The following ADAMTS2 variants were observed in gnomAD, a reference collection of about 807,000 sequenced individuals.
ADAMTS2 encodes ADAM metallopeptidase with thrombospondin type 1 motif 2.
A neutral mutation model predicts 123.0 loss-of-function variants in ADAMTS2; 50 were observed. The ratio of observed to expected loss-of-function variants is 0.41; its 90% CI spans 0.32 to 0.51. The LOEUF is 0.51. ADAMTS2 is among the 20% of genes least tolerant of loss of function. ADAMTS2 has a pLI of 0.35. For missense variants in ADAMTS2, 1,494 were observed against 1,705.2 expected (o/e 0.88, Z 2.18); for synonymous variants, 678 against 695.4 (o/e 0.98, Z 0.39).
intron 10 of ADAMTS2, among the ~76,000 whole-genome samples, chr5:179,142,483 A>C (rs1482440864): frequency 6.6e-6 from 1 of 152,232 alleles, no homozygotes; most frequent in African/African-American, 2.4e-5. Flanking sequence ...ATTAGGTCAT[A>C]TTGTAGAGCA....
intron 3 of ADAMTS2, among the ~76,000 whole-genome samples, chr5:179,266,401 AGAG>A (rs1766373165): frequency 1.3e-5 from 2 of 150,300 alleles, no homozygotes. Context: ...TGGCTATAGA[AGAG>A]GAGAAGCCAC....
rs1021811555 is a variant in ADAMTS2, at chr5:179,312,509, G to A, written c.534+31258C>T. ...AACCATATGCACAGCTTCCAGAACC[G>A]TGAGAAATAAGCTTCCGATGCTTTT... On this transcript the variant is annotated intron_variant, in intron 2 of 21. Coordinates refer to ENST00000251582, the MANE Select transcript of ADAMTS2 (RefSeq NM_014244.5). The surrounding 1 kb of genome is among the most constrained non-coding windows in gnomAD (Gnocchi z 4.2). Among the ~76,000 whole-genome samples the A allele has an allele frequency of 1.4e-4, 21 of 152,356 alleles. No individual in the cohort carries two copies. Among genetic ancestry groups the A allele is most frequent in the African/African-American group, 3.8e-4 (16 of 41,586 alleles).
intron 2 of ADAMTS2, among the ~76,000 whole-genome samples, chr5:179,339,355 T>C (rs1757705849): frequency 6.6e-6 from 1 of 151,750 alleles, no homozygotes; most frequent in Non-Finnish European, 1.5e-5. Context: ...GGTTGAGGGG[T>C]GGAGAGCAAT....
chr5:179,216,274 C>T (rs1764977371), intron 3 of ADAMTS2, among the ~76,000 whole-genome samples: 1 of 152,228 alleles, frequency 6.6e-6, no homozygotes, highest in Non-Finnish European at 1.5e-5. Flanking sequence ...AAGACCCCAC[C>T]TCCATCAGGC....
intron 2 of ADAMTS2, among the ~76,000 whole-genome samples, chr5:179,282,494 A>G (rs1476447250): frequency 6.6e-6 from 1 of 152,200 alleles, no homozygotes; most frequent in Non-Finnish European, 1.5e-5. Context: ...CTATATGTCT[A>G]TCCTTCTGCC....
chr5:179,295,990 G>C (rs1756319338), intron 2 of ADAMTS2, among the ~76,000 whole-genome samples: 1 of 152,224 alleles, frequency 6.6e-6, no homozygotes, highest in Non-Finnish European at 1.5e-5. Context: ...ATGCCTTTCT[G>C]GCTGTGGTCC....
In ADAMTS2 at chr5:179,118,840, C is replaced by T. The variant is rs1762706029; in HGVS notation, c.3178+2821G>A. ...AAGTGAGGCTTTCTTCCTGAGGTCA[C>T]CATAAAGCATAAAGGGAACTAGGAA... is the stretch of plus-strand genomic sequence containing the variant. On this transcript the variant is annotated intron_variant, in intron 21 of 21. Coordinates refer to ENST00000251582, the MANE Select transcript of ADAMTS2 (RefSeq NM_014244.5). This position sits in a 1 kb window ranked among gnomAD's most constrained non-coding sequence, Gnocchi z 4.5. 6.6e-6 allele frequency among the ~76,000 whole-genome samples: 1 copy of T among 152,166 alleles called. No homozygotes were observed. The highest frequency in any genetic ancestry group is 6.5e-5 in the Admixed American group (1 of 15,272).
intron 3 of ADAMTS2, among the ~76,000 whole-genome samples, chr5:179,255,399 C>T (rs960503586): frequency 3.3e-5 from 5 of 152,158 alleles, no homozygotes; most frequent in African/African-American, 1.2e-4. Context: ...CAGAATCGGT[C>T]ATGCTTGACC....
At chr5:179,160,682 C>T (rs761405848) in intron 5 of ADAMTS2, among the ~76,000 whole-genome samples, 13 of 152,108 alleles carry the variant, frequency 8.5e-5, no homozygotes, top group Non-Finnish European at 1.8e-4. Flanking sequence ...CCATGAGTCC[C>T]GATGAAATAA....
intron 2 of ADAMTS2, among the ~76,000 whole-genome samples, chr5:179,306,162 C>T (rs1756667325): frequency 6.6e-6 from 1 of 151,934 alleles, no homozygotes; most frequent in African/African-American, 2.4e-5. Context: ...AACCAATATC[C>T]CTCATGAACC....
intron 5 of ADAMTS2, among the ~76,000 whole-genome samples, chr5:179,177,297 A>G (rs1296713225): frequency 6.6e-6 from 1 of 152,210 alleles, no homozygotes; most frequent in African/African-American, 2.4e-5. Context: ...CTCTTTATAC[A>G]TTATTCAATT....
intron 17 of ADAMTS2, among the ~76,000 whole-genome samples, 158 bp downstream of exon 17, chr5:179,127,801 C>T (rs1294825779): frequency 1.3e-5 from 2 of 152,062 alleles, no homozygotes; most frequent in Admixed American, 1.3e-4. Context: ...GCCCACCCAC[C>T]GGCCCCTCCA....
rs749842975 is a variant in ADAMTS2 at position 179,273,000 on chromosome 5, G to A, written c.599C>T (p.Ala200Val). ...FIEPLEKGLA[A>V]QEAEQGRVHV... Reference sequence around the variant, plus strand: ...CACACGGCCTTGCTCAGCCTCCTGCGCCGCCAGCCCCTTCTCCAAGGGTTC... The same window carrying A: ...CACACGGCCTTGCTCAGCCTCCTGCACCGCCAGCCCCTTCTCCAAGGGTTC... The change falls in exon 3 of 22, where the codon GCG (alanine) becomes GTG (valine). Residue 200 changes from alanine (A) to valine (V), a missense_variant. By Grantham distance (64) the Ala-to-Val change is moderately conservative (BLOSUM62 0). This residue lies in a region of ADAMTS2 where 184 missense variants were observed against 152.1 expected (regional missense o/e 1.21). Transcript: ENST00000251582. The surrounding 1 kb of genome is among the most constrained non-coding windows in gnomAD (Gnocchi z 5.8). 39 of 1,613,112 alleles carry A rather than the reference G, an allele frequency of 2.4e-5. No homozygotes were observed. The highest frequency in any genetic ancestry group is 1.6e-4 in the Middle Eastern group (1 of 6,084).
intron 2 of ADAMTS2, among the ~76,000 whole-genome samples, chr5:179,321,632 G>A (rs1022044721): frequency 1.6e-4 from 6 of 37,572 alleles, no homozygotes; most frequent in South Asian, 6.4e-4. Context: ...TTTGGTGCCC[G>A]CCCACCCACC....
chr5:179,325,759 C>T (rs1342780859), intron 2 of ADAMTS2, among the ~76,000 whole-genome samples: 4 of 152,252 alleles, frequency 2.6e-5, no homozygotes, highest in South Asian at 2.1e-4. Flanking sequence ...CCTGGGCTGC[C>T]GCCCTGAGCC....
chr5:179,303,254 C>T lies in ADAMTS2; in HGVS notation c.535-30190G>A, dbSNP rs1413187450. Among the ~76,000 whole-genome samples the T allele has an allele frequency of 6.6e-6, 1 of 152,088 alleles. No homozygotes were observed. The highest frequency in any genetic ancestry group is 1.5e-5 in the Non-Finnish European group (1 of 68,008). Reference sequence around the variant, plus strand: ...GTATTTCTGCTGGTAGAAGTCCCTCCCTGATTATAAACCGCTCAACACATA... The same window carrying T: ...GTATTTCTGCTGGTAGAAGTCCCTCTCTGATTATAAACCGCTCAACACATA... On this transcript the variant is annotated intron_variant, in intron 2 of 21. Coordinates refer to ENST00000251582, the MANE Select transcript of ADAMTS2 (RefSeq NM_014244.5). This position sits in a 1 kb window ranked among gnomAD's most constrained non-coding sequence, Gnocchi z 4.7.
rs1310797899 is a variant in ADAMTS2, at chr5:179,202,307, A to G, written c.891+5206T>C. On this transcript the variant is annotated intron_variant, in intron 4 of 21. Coordinates refer to ENST00000251582, the MANE Select transcript of ADAMTS2 (RefSeq NM_014244.5). The surrounding 1 kb of genome is among the most constrained non-coding windows in gnomAD (Gnocchi z 4.0). The stretch of plus-strand genomic sequence containing the variant: ...GCCTGCCCCCTCCCCCAAACCTGGA[A>G]CAGGCGATCCCTATCCTACCTCTTC... Among the ~76,000 whole-genome samples the G allele has an allele frequency of 6.6e-6, 1 of 152,098 alleles. No homozygotes were observed. The highest frequency in any genetic ancestry group is 1.5e-5 in the Non-Finnish European group (1 of 68,010).
At chr5:179,114,829 G>A (rs750310084) in intron 21 of ADAMTS2, among the ~76,000 whole-genome samples, 1 of 152,154 alleles carries the variant, frequency 6.6e-6, no homozygotes, top group Non-Finnish European at 1.5e-5. Context: ...TCCCAGGGCC[G>A]CTGTGGCCCC....
At chr5:179,144,873 T>C (rs943267904) in intron 10 of ADAMTS2, among the ~76,000 whole-genome samples, 1 of 152,106 alleles carries the variant, frequency 6.6e-6, no homozygotes, top group African/African-American at 2.4e-5. Context: ...AAAGTAAAAA[T>C]AGATAAATTA....
Sources: gnomAD v4.1 joint callset for allele counts (sites outside exome capture counted in the v4.1 genomes callset) on GRCh38, gnomAD v4.1.1 for gene constraint, gnomAD v4.1.1 regional missense constraint, Gnocchi (gnomAD v3.1) non-coding constraint, MANE v1.5 for transcripts, NCBI Gene and HGNC (gene_info 2026-07-23, HGNC 2026-07-21) for gene names.